Variants in CYP7B1 observed in about 807,000 individuals in gnomAD.
CYP7B1 encodes cytochrome P450 7B1.
In CYP7B1, 29 loss-of-function variants were observed where a neutral mutation model predicts 42.7. The ratio of observed to expected loss-of-function variants is 0.68; its 90% CI spans 0.51 to 0.93. CYP7B1 has a LOEUF of 0.93. Ranked by LOEUF, CYP7B1 falls within the 40% of genes least tolerant of loss-of-function variation. The pLI, the probability that CYP7B1 is intolerant of heterozygous loss-of-function variation, is 0.00. For missense variants in CYP7B1, 655 were observed against 600.5 expected (o/e 1.09, Z -0.95); for synonymous variants, 235 against 218.2 (o/e 1.08, Z -0.68).
At chr8:64,730,026 T>C (rs146754638) in intron 1 of CYP7B1, among the ~76,000 whole-genome samples, 332 of 152,234 alleles carry the variant, frequency 2.2e-3, no homozygotes, top group African/African-American at 7.7e-3. Flanking sequence ...ACCTACAGTT[T>C]TATCACTTTT....
intron 1 of CYP7B1, among the ~76,000 whole-genome samples, chr8:64,797,593 A>C (rs1332333547): frequency 6.6e-6 from 1 of 152,206 alleles, no homozygotes; most frequent in African/African-American, 2.4e-5. Context: ...ATGCAGTACA[A>C]AGGTGTCACT....
chr8:64,680,453 C>A (rs1399104250), intron 1 of CYP7B1, among the ~76,000 whole-genome samples: 1 of 152,026 alleles, frequency 6.6e-6, no homozygotes, highest in Non-Finnish European at 1.5e-5. Context: ...GACAGCAGTC[C>A]CAAATTTCTA....
chr8:64,638,544 T>G (rs1805807838), intron 1 of CYP7B1, among the ~76,000 whole-genome samples: 1 of 152,146 alleles, frequency 6.6e-6, no homozygotes, highest in Admixed American at 6.6e-5. Context: ...AGGTAGAATA[T>G]TTTTGAGTTT....
chr8:64,705,716 C>A (rs2884073), intron 1 of CYP7B1, among the ~76,000 whole-genome samples: 1 of 151,706 alleles, frequency 6.6e-6, no homozygotes, highest in Non-Finnish European at 1.5e-5. Context: ...ATGTAAAGTG[C>A]AGTTGCCTTC....
chr8:64,615,204 A>G lies in CYP7B1; in HGVS notation c.879T>C (p.Ser293=). ...GAHHLGFLWA[S]VANTIPTMFW... Reference sequence around the variant, plus strand: ...ACATAGTTGGAATAGTGTTTGCCACAGAGGCCCAGAGAAAGCCTAAATGAT... The same window carrying G: ...ACATAGTTGGAATAGTGTTTGCCACGGAGGCCCAGAGAAAGCCTAAATGAT... The change falls in exon 4 of 6, where the codon TCT becomes TCC. Residue 293 remains serine, a synonymous_variant. Coordinates refer to ENST00000310193, the MANE Select transcript of CYP7B1 (RefSeq NM_004820.5). 2 of 1,613,342 alleles carry G rather than the reference A, an allele frequency of 1.2e-6. No homozygotes were observed. The highest frequency in any genetic ancestry group is 1.7e-6 in the Non-Finnish European group (2 of 1,179,570).
At chr8:64,723,871 T>C (rs918281149) in intron 1 of CYP7B1, among the ~76,000 whole-genome samples, 1 of 152,094 alleles carries the variant, frequency 6.6e-6, no homozygotes, top group Non-Finnish European at 1.5e-5. Context: ...TATAGAACGT[T>C]AAAAGAGTCT....
intron 1 of CYP7B1, among the ~76,000 whole-genome samples, chr8:64,721,397 T>G (rs1005575327): frequency 6.6e-6 from 1 of 152,218 alleles, no homozygotes; most frequent in African/African-American, 2.4e-5. Flanking sequence ...TGTATTTTAT[T>G]TGGTATTATT....
chr8:64,706,661 T>C (rs550407490), intron 1 of CYP7B1, among the ~76,000 whole-genome samples: 3 of 152,096 alleles, frequency 2.0e-5, no homozygotes, highest in South Asian at 2.1e-4. Context: ...TTATTAAAAA[T>C]AGTAAACTAA....
rs1044948811 is a variant in CYP7B1, at chr8:64,594,454, A to T, written c.*2188T>A. Among the ~76,000 whole-genome samples, 1 of 152,204 alleles carries T rather than the reference A, an allele frequency of 6.6e-6. No individual in the cohort carries two copies. Among genetic ancestry groups the T allele is most frequent in the African/African-American group, 2.4e-5 (1 of 41,462 alleles). The stretch of plus-strand genomic sequence containing the variant: ...TTACAGAAAATAGGTACTCAAGATA[A>T]TATATGTTACATGAAAACATATACA... On this transcript the variant is annotated 3_prime_UTR_variant, in exon 6 of 6. Coordinates refer to ENST00000310193, the MANE Select transcript of CYP7B1 (RefSeq NM_004820.5).
At position 64,700,668 on chromosome 8, in the gene CYP7B1, A is replaced by G. The variant is rs562979456; in HGVS notation, c.123-76129T>C. ...GCCTCTTTTTCTCATTTACATTGAT[A>G]GCAAGCATTAGTGAAGATATATGCA... On this transcript the variant is annotated intron_variant, in intron 1 of 5. Transcript: ENST00000310193. Among the ~76,000 whole-genome samples, 96 of 152,288 alleles carry G rather than the reference A, an allele frequency of 6.3e-4. 1 individual carries two copies. Among genetic ancestry groups the G allele is most frequent in the African/African-American group, 2.0e-3 (83 of 41,568 alleles).
chr8:64,706,014 G>C (rs1055168513), intron 1 of CYP7B1, among the ~76,000 whole-genome samples: 85 of 152,064 alleles, frequency 5.6e-4, no homozygotes, highest in African/African-American at 2.0e-3. Flanking sequence ...GGTCTAAACT[G>C]AGCCTTAATT....
At chr8:64,672,994 T>C (rs922831226) in intron 1 of CYP7B1, among the ~76,000 whole-genome samples, 5 of 152,042 alleles carry the variant, frequency 3.3e-5, no homozygotes, top group African/African-American at 9.7e-5. Flanking sequence ...CAAGTATGAA[T>C]AGAGTAGTCA....
intron 4 of CYP7B1, among the ~76,000 whole-genome samples, chr8:64,605,156 G>T (rs1805261363): frequency 6.6e-6 from 1 of 152,160 alleles, no homozygotes; most frequent in African/African-American, 2.4e-5. Context: ...GAGGAATGTT[G>T]TGTTATGGGT....
chr8:64,666,238 A>G (rs1806278205), intron 1 of CYP7B1, among the ~76,000 whole-genome samples: 1 of 152,218 alleles, frequency 6.6e-6, no homozygotes, highest in Non-Finnish European at 1.5e-5. Flanking sequence ...TGTTTTAGAG[A>G]CAGAGTCAGA....
intron 1 of CYP7B1, among the ~76,000 whole-genome samples, chr8:64,734,689 A>G (rs189965892): frequency 2.0e-5 from 3 of 152,322 alleles, no homozygotes; most frequent in Admixed American, 2.0e-4. Context: ...CTAGGTCAAC[A>G]AATGTTTATT....
At chr8:64,769,091 G>A (rs1216149110) in intron 1 of CYP7B1, among the ~76,000 whole-genome samples, 1 of 152,064 alleles carries the variant, frequency 6.6e-6, no homozygotes. Flanking sequence ...ACAGATTATT[G>A]TTAAATTATC....
At chr8:64,679,956 A>G (rs1806511022) in intron 1 of CYP7B1, among the ~76,000 whole-genome samples, 1 of 152,188 alleles carries the variant, frequency 6.6e-6, no homozygotes, top group South Asian at 2.1e-4. Flanking sequence ...AATTATAAAT[A>G]TATGATACAG....
At chr8:64,792,282 G>A (rs911695765) in intron 1 of CYP7B1, among the ~76,000 whole-genome samples, 2 of 152,150 alleles carry the variant, frequency 1.3e-5, no homozygotes, top group African/African-American at 4.8e-5. Flanking sequence ...GAGAGATTAA[G>A]AGAAGAACTG....
chr8:64,751,706 A>C (rs959583847), intron 1 of CYP7B1, among the ~76,000 whole-genome samples: 1 of 152,170 alleles, frequency 6.6e-6, no homozygotes, highest in African/African-American at 2.4e-5. Flanking sequence ...TATACTATGC[A>C]ACTGACAGTA....
Sources: allele counts gnomAD v4.1 joint callset (sites outside exome capture counted in the v4.1 genomes callset), GRCh38; gene constraint gnomAD v4.1.1; transcripts MANE v1.5; gene names NCBI Gene and HGNC (gene_info 2026-07-23, HGNC 2026-07-21).